Variants in APBA1 observed in about 807,000 individuals in gnomAD.
The protein encoded by APBA1 is amyloid beta precursor protein binding family A member 1.
In APBA1, 55 loss-of-function variants were observed where a neutral mutation model predicts 86.6. That is an observed-to-expected ratio of 0.64 (90% confidence interval 0.51 to 0.80). The LOEUF (loss-of-function observed/expected upper bound fraction) is 0.80, where lower values mean the gene tolerates loss of function less well. APBA1 is among the 30% of genes least tolerant of loss of function. APBA1 has a pLI of 0.00. For missense variants in APBA1, 1,090 were observed against 1,183.0 expected (o/e 0.92, Z 1.15); for synonymous variants, 511 against 493.9 (o/e 1.03, Z -0.46).
chr9:69,609,548 T>C (rs1822540727), intron 1 of APBA1, among the ~76,000 whole-genome samples: 1 of 152,224 alleles, frequency 6.6e-6, no homozygotes. Flanking sequence ...GGCACATGTA[T>C]TCCCATTGCA....
chr9:69,632,795 T>TGA (rs1823075315), intron 1 of APBA1, among the ~76,000 whole-genome samples: 1 of 152,180 alleles, frequency 6.6e-6, no homozygotes, highest in South Asian at 2.1e-4. Context: ...GGTATTTTCT[T>TGA]TCCATTTGCC....
At chr9:69,488,342 C>T (rs1344948630) in intron 2 of APBA1, among the ~76,000 whole-genome samples, 1 of 151,890 alleles carries the variant, frequency 6.6e-6, no homozygotes, top group Non-Finnish European at 1.5e-5. Context: ...AAAAATATAA[C>T]TAAGATCAAT....
intron 10 of APBA1, among the ~76,000 whole-genome samples, chr9:69,444,738 T>G (rs1178700554): frequency 6.6e-6 from 1 of 152,242 alleles, no homozygotes; most frequent in Non-Finnish European, 1.5e-5. Context: ...CAGATATTTT[T>G]ATCTGCTTTG....
At chr9:69,563,972 C>A (rs1353988753) in intron 1 of APBA1, among the ~76,000 whole-genome samples, 1 of 152,160 alleles carries the variant, frequency 6.6e-6, no homozygotes, top group Non-Finnish European at 1.5e-5. Context: ...CATTTGACAG[C>A]AAGAGACCCC....
chr9:69,548,546 G>A (rs561944567), intron 1 of APBA1, among the ~76,000 whole-genome samples: 12 of 152,344 alleles, frequency 7.9e-5, no homozygotes, highest in Admixed American at 2.6e-4. Context: ...TAAATGAAAT[G>A]TCTCCTTACC....
At chr9:69,661,661 G>A (rs1313402074) in intron 1 of APBA1, among the ~76,000 whole-genome samples, 2 of 152,172 alleles carry the variant, frequency 1.3e-5, no homozygotes, top group Non-Finnish European at 2.9e-5. Context: ...ATTGGGAGGT[G>A]CATGGGTCAT....
chr9:69,521,261 T>C (rs886087671), intron 1 of APBA1, among the ~76,000 whole-genome samples: 1 of 152,208 alleles, frequency 6.6e-6, no homozygotes, highest in Admixed American at 6.5e-5. Context: ...CTTGGGATGC[T>C]TCACCCCTTT....
At chr9:69,645,783 G>C (rs1823379956) in intron 1 of APBA1, among the ~76,000 whole-genome samples, 1 of 152,180 alleles carries the variant, frequency 6.6e-6, no homozygotes, top group Admixed American at 6.5e-5. Context: ...GTGGCATCGA[G>C]AGCTCCCTAG....
At chr9:69,620,526 A>G (rs2133989322) in intron 1 of APBA1, among the ~76,000 whole-genome samples, 1 of 152,152 alleles carries the variant, frequency 6.6e-6, no homozygotes, top group South Asian at 2.1e-4. Context: ...AAAATACAAA[A>G]ATTAGCTGGG....
intron 1 of APBA1, among the ~76,000 whole-genome samples, chr9:69,658,295 TCTCTCTCTCTC>T (rs1823669842): frequency 1.7e-5 from 1 of 59,738 alleles, no homozygotes; most frequent in Non-Finnish European, 3.4e-5. Flanking sequence ...TCTCTCTCTT[TCTCTCTCTCTC>T]TTTCTTTCTT....
At position 69,516,414 on chromosome 9, in the gene APBA1, T is replaced by G. The variant is rs1475551388; in HGVS notation, c.797A>C (p.Gln266Pro). ...APYPRMDSYE[Q>P]EEDIDQIVAE... ...CACTATCTGGTCGATGTCCTCCTCC[T>G]GCTCGTAGCTGTCCATGCGCGGGTA... The change falls in exon 2 of 13, where the codon CAG becomes CCG. Residue 266 changes from glutamine (Q) to proline (P), a missense_variant. Coordinates refer to ENST00000265381, the MANE Select transcript of APBA1 (RefSeq NM_001163.4). This position sits in a 1 kb window ranked among gnomAD's most constrained non-coding sequence, Gnocchi z 7.3. The G allele has an allele frequency of 6.2e-7, 1 of 1,604,914 alleles. No individual in the cohort carries two copies. The highest frequency in any genetic ancestry group is 1.1e-5 in the South Asian group (1 of 91,036).
chr9:69,455,437 G>C (rs1007007739), intron 8 of APBA1, among the ~76,000 whole-genome samples: 6 of 152,280 alleles, frequency 3.9e-5, no homozygotes, highest in Admixed American at 3.3e-4. Flanking sequence ...TCAGGCTGCA[G>C]TTTGCAGCCT....
chr9:69,470,105 A>G (rs1835343043), intron 4 of APBA1, among the ~76,000 whole-genome samples: 1 of 152,236 alleles, frequency 6.6e-6, no homozygotes, highest in Non-Finnish European at 1.5e-5. Context: ...ACACACAAAT[A>G]TCAGACCTAA....
chr9:69,558,810 T>C (rs192615713), intron 1 of APBA1, among the ~76,000 whole-genome samples: 61 of 152,208 alleles, frequency 4.0e-4, no homozygotes, highest in African/African-American at 1.4e-3. Flanking sequence ...AGCTCCCAAT[T>C]ACAAGTGGCA....
At chr9:69,636,377 T>C (rs1351903460) in intron 1 of APBA1, among the ~76,000 whole-genome samples, 1 of 152,204 alleles carries the variant, frequency 6.6e-6, no homozygotes, top group Non-Finnish European at 1.5e-5. Flanking sequence ...ACCATATGAT[T>C]CAGCAATTCC....
intron 1 of APBA1, among the ~76,000 whole-genome samples, chr9:69,578,154 A>G (rs1334528273): frequency 2.0e-5 from 3 of 152,252 alleles, no homozygotes; most frequent in African/African-American, 4.8e-5. Flanking sequence ...TCCCAGCTGT[A>G]GTGGCAAGGG....
chr9:69,606,782 G>A (rs1588390839), intron 1 of APBA1, among the ~76,000 whole-genome samples: 1 of 152,056 alleles, frequency 6.6e-6, no homozygotes, highest in Admixed American at 6.6e-5. Flanking sequence ...TTGAGCCACC[G>A]TGCCTGGCCG....
At chr9:69,470,902 C>T (rs1172051192) in intron 4 of APBA1, among the ~76,000 whole-genome samples, 1 of 152,126 alleles carries the variant, frequency 6.6e-6, no homozygotes, top group African/African-American at 2.4e-5. Context: ...GAACTTTGGC[C>T]CCACCTGGCC....
chr9:69,519,937 C>T (rs1301167795), intron 1 of APBA1, among the ~76,000 whole-genome samples: 2 of 152,092 alleles, frequency 1.3e-5, no homozygotes, highest in African/African-American at 4.8e-5. Flanking sequence ...TCTGGTGGGG[C>T]AGGGGGTGGT....
Sources: gnomAD v4.1 joint callset for allele counts (sites outside exome capture counted in the v4.1 genomes callset) on GRCh38, gnomAD v4.1.1 for gene constraint, Gnocchi (gnomAD v3.1) non-coding constraint, MANE v1.5 for transcripts, NCBI Gene and HGNC (gene_info 2026-07-23, HGNC 2026-07-21) for gene names.